HS1BP3: variants seen among roughly 807,000 people sequenced by gnomAD.
HS1BP3 encodes HCLS1-binding protein 3.
HS1BP3 carries 32 observed loss-of-function variants against 33.5 expected under a neutral mutation model. The ratio of observed to expected loss-of-function variants is 0.95; its 90% confidence interval spans 0.72 to 1.28. HS1BP3 has a LOEUF of 1.28. Among genes scored for constraint, HS1BP3 ranks in the 50% most tolerant of loss-of-function variants. The pLI, the probability that HS1BP3 is intolerant of heterozygous loss-of-function variation, is 0.00. For missense variants in HS1BP3, 486 were observed against 502.3 expected (o/e 0.97, Z 0.31); for synonymous variants, 187 against 209.2 (o/e 0.89, Z 0.92).
intron 5 of HS1BP3, among the ~76,000 whole-genome samples, chr2:20,578,302 G>A (rs1232361647): frequency 1.3e-5 from 2 of 152,160 alleles, no homozygotes; most frequent in Admixed American, 1.3e-4. Flanking sequence ...TTCATAGGAG[G>A]GGACTTGGTC....
intron 5 of HS1BP3, among the ~76,000 whole-genome samples, chr2:20,577,936 C>G (rs763030817): frequency 6.6e-6 from 1 of 152,262 alleles, no homozygotes; most frequent in Non-Finnish European, 1.5e-5. Flanking sequence ...TCAGGGCACT[C>G]GTTCCTCAAG....
chr2:20,597,755 G>C (rs1159417344), intron 3 of HS1BP3, among the ~76,000 whole-genome samples: 1 of 152,220 alleles, frequency 6.6e-6, no homozygotes, highest in African/African-American at 2.4e-5. Flanking sequence ...TAGATAGTTT[G>C]CACTGAGATC....
At position 20,585,365 on chromosome 2, in the gene HS1BP3, C is replaced by G. The variant is rs535736019; in HGVS notation, c.303-24850G>C. 4.9e-3 allele frequency among the ~76,000 whole-genome samples: 734 copies of G among 150,996 alleles called. 21 individuals are homozygous for G. Among genetic ancestry groups the G allele is most frequent in the Admixed American group, 0.047 (716 of 15,228 alleles). On this transcript the variant is annotated intron_variant, in intron 5 of 5. Coordinates refer to the HS1BP3 transcript ENST00000446825. ...TTACTAATACAATGATCAACAGTGC[C>G]TCCTTTTACTCTCGAGTGTCCCGGT... is the stretch of plus-strand genomic sequence containing the variant.
downstream of HS1BP3, among the ~76,000 whole-genome samples, chr2:20,615,152 C>T (rs1558335062): frequency 6.6e-6 from 1 of 152,224 alleles, no homozygotes; most frequent in East Asian, 1.9e-4. Flanking sequence ...CACTGAAATT[C>T]CTTCAGGCAC....
chr2:20,640,356 T>C (rs1695300515), intron 3 of HS1BP3: 1 of 169,282 alleles, frequency 5.9e-6, no homozygotes, highest in African/African-American at 2.4e-5. Flanking sequence ...CATAACGGCC[T>C]ATCAGCCAGG....
At chr2:20,621,871 C>G (rs1406512360) in intron 6 of HS1BP3, among the ~76,000 whole-genome samples, 1 of 152,232 alleles carries the variant, frequency 6.6e-6, no homozygotes, top group African/African-American at 2.4e-5. Context: ...CACCCTATTT[C>G]TGAGTCATGA....
Position 20,611,698 on chromosome 2 carries a change from C to A in HS1BP3, c.178+12198G>T, listed in dbSNP as rs548292924. 6.6e-6 allele frequency among the ~76,000 whole-genome samples: 1 copy of A among 152,206 alleles called. No homozygotes were observed. The highest frequency in any genetic ancestry group is 1.5e-5 in the Non-Finnish European group (1 of 68,020). ...GTCCCCAGTCACATACCAGGGCCCC[C>A]TGGACACAGGGTCCCTCAATCCCAG... On this transcript the variant is annotated intron_variant, in intron 2 of 3. Transcript: ENST00000415264. The surrounding 1 kb of genome is among the most constrained non-coding windows in gnomAD (Gnocchi z 4.9).
At chr2:20,587,981 G>C (rs2149277951), downstream of HS1BP3, among the ~76,000 whole-genome samples, 1 of 152,088 alleles carries the variant, frequency 6.6e-6, no homozygotes, top group South Asian at 2.1e-4. Flanking sequence ...CCAGGACATG[G>C]ACACTTATCC....
chr2:20,629,784 C>A (rs546402115), intron 4 of HS1BP3, among the ~76,000 whole-genome samples: 4 of 152,250 alleles, frequency 2.6e-5, no homozygotes, highest in Admixed American at 6.5e-5. Flanking sequence ...GCAGACCAGG[C>A]CATGTTCTGC....
At chr2:20,576,753 T>G (rs1693410183) in intron 5 of HS1BP3, among the ~76,000 whole-genome samples, 1 of 152,014 alleles carries the variant, frequency 6.6e-6, no homozygotes, top group African/African-American at 2.4e-5. Flanking sequence ...GAAGTTGACC[T>G]GTCACACTGA....
the HS1BP3 span, among the ~76,000 whole-genome samples, chr2:20,554,285 T>C: frequency 6.6e-6 from 1 of 152,200 alleles, no homozygotes; most frequent in African/African-American, 2.4e-5. Context: ...CCATGGAGAA[T>C]GATCTGCTAA....
intron 2 of HS1BP3, among the ~76,000 whole-genome samples, chr2:20,600,587 C>T (rs1387050707): frequency 4.6e-5 from 7 of 152,134 alleles, no homozygotes; most frequent in African/African-American, 9.7e-5. Context: ...TAAAATAGCA[C>T]GGATTGTGGA....
chr2:20,621,655 T>C (rs1296608736), intron 6 of HS1BP3, among the ~76,000 whole-genome samples: 2 of 152,216 alleles, frequency 1.3e-5, no homozygotes, highest in South Asian at 2.1e-4. Flanking sequence ...TATCCTCAAA[T>C]AGGGGCCCTT....
chr2:20,611,588 A>G lies in HS1BP3; in HGVS notation c.178+12308T>C, dbSNP rs986323900. On this transcript the variant is annotated intron_variant, in intron 2 of 3. Coordinates refer to the HS1BP3 transcript ENST00000415264. This position sits in a 1 kb window ranked among gnomAD's most constrained non-coding sequence, Gnocchi z 4.9. The stretch of plus-strand genomic sequence containing the variant: ...ACTCCCCGCTGCCGCAGTCCTGTTG[A>G]CATTATTCCTTGTCAGAATGGCTCA... 3.3e-5 allele frequency among the ~76,000 whole-genome samples: 5 copies of G among 152,098 alleles called. No homozygotes were observed. Among genetic ancestry groups the G allele is most frequent in the Non-Finnish European group, 7.4e-5 (5 of 68,004 alleles).
intron 2 of HS1BP3, among the ~76,000 whole-genome samples, chr2:20,643,823 C>A (rs964133000): frequency 1.2e-4 from 18 of 151,834 alleles, no homozygotes; most frequent in African/African-American, 4.4e-4. Flanking sequence ...GTCCTAGATA[C>A]TTAGGAGGCT....
intron 1 of HS1BP3, among the ~76,000 whole-genome samples, chr2:20,646,023 TA>T (rs1695509495): frequency 6.6e-6 from 1 of 152,192 alleles, no homozygotes; most frequent in South Asian, 2.1e-4. Flanking sequence ...GAGGCACTGA[TA>T]GGCCCGTCCC....
chr2:20,604,289 A>G (rs979860617), intron 2 of HS1BP3, among the ~76,000 whole-genome samples: 5 of 152,202 alleles, frequency 3.3e-5, no homozygotes, highest in African/African-American at 4.8e-5. Flanking sequence ...CCTCAGCTGC[A>G]GAATCAGTAG....
the HS1BP3 span, among the ~76,000 whole-genome samples, chr2:20,555,297 C>T: frequency 6.6e-6 from 1 of 152,254 alleles, no homozygotes; most frequent in Admixed American, 6.5e-5. Context: ...TGTTATCAGA[C>T]CAACTATAGG....
downstream of HS1BP3, among the ~76,000 whole-genome samples, chr2:20,617,180 A>G (rs1694446078): frequency 6.6e-6 from 1 of 152,168 alleles, no homozygotes; most frequent in Admixed American, 6.5e-5. Context: ...GACAAAGCCC[A>G]GAGGAGAGCT....
Sources: allele counts gnomAD v4.1 joint callset (sites outside exome capture counted in the v4.1 genomes callset), GRCh38; gene constraint gnomAD v4.1.1; non-coding constraint Gnocchi (gnomAD v3.1); transcripts MANE v1.5; gene names NCBI Gene and HGNC (gene_info 2026-07-23, HGNC 2026-07-21).